Variants in XPR1 observed in about 807,000 individuals in gnomAD.
XPR1 encodes xenotropic and polytropic retrovirus receptor 1.
A neutral mutation model predicts 87.5 loss-of-function variants in XPR1; 28 were observed. The ratio of observed to expected loss-of-function variants is 0.32; its 90% CI spans 0.24 to 0.44. The LOEUF is 0.44. Ranked by LOEUF, XPR1 falls within the 20% of genes least tolerant of loss-of-function variation. The probability of loss-of-function intolerance (pLI) is 1.00; values close to 1 mark genes in which losing one functional copy is unlikely to be tolerated. For synonymous variants in XPR1, 300 were observed against 306.1 expected, an observed-to-expected ratio of 0.98 and a Z score of 0.21; for missense variants, 559 against 862.3, an observed-to-expected ratio of 0.65 and a Z score of 4.41.
chr1:180,716,566 G>A (rs2101991468), intron 2 of XPR1, among the ~76,000 whole-genome samples: 1 of 152,236 alleles, frequency 6.6e-6, no homozygotes, highest in East Asian at 1.9e-4. Context: ...GTTTTTAAAA[G>A]TATAAGCTTT....
Position 180,744,650 on chromosome 1 carries a change from C to CTTTTTTTTTTTTTTTTTTTTTTTTTT in XPR1, c.122-43100_122-43099insTTTTTTTTTTTTTTTTTTTTTTTTTT, listed in dbSNP as rs200044209. Among the ~76,000 whole-genome samples, 41 of 56,954 alleles carry CTTTTTTTTTTTTTTTTTTTTTTTTTT rather than the reference C, an allele frequency of 7.2e-4. 9 individuals carry two copies. The highest frequency in any genetic ancestry group is 2.1e-3 in the African/African-American group (36 of 17,136). 37.4% of individuals were successfully genotyped at this position (56,954 alleles called of 152,430 possible). On this transcript the variant is annotated intron_variant, in intron 2 of 14. Coordinates refer to ENST00000367590, the MANE Select transcript of XPR1 (RefSeq NM_004736.4). Reference sequence around the variant, plus strand: ...ACTTGTTCAGGTTTAGGCACAATTTCTTTCTTTTTTTTTTTTTTGAGACAG... The same window carrying CTTTTTTTTTTTTTTTTTTTTTTTTTT: ...ACTTGTTCAGGTTTAGGCACAATTTCTTTTTTTTTTTTTTTTTTTTTTTTTTTTTCTTTTTTTTTTTTTTGAGACAG...
intron 1 of XPR1, among the ~76,000 whole-genome samples, chr1:180,648,115 A>G (rs1354786939): frequency 6.6e-6 from 1 of 152,184 alleles, no homozygotes; most frequent in Non-Finnish European, 1.5e-5. Flanking sequence ...ACATGTGGGT[A>G]GTTGCTATTG....
intron 13 of XPR1, 116 bp from the exon 14 acceptor site, chr1:180,879,960 C>T (rs1252391276): frequency 2.8e-6 from 3 of 1,077,758 alleles, no homozygotes; most frequent in Admixed American, 4.3e-5. Context: ...AATATTCAAG[C>T]CCTTAATTCT....
chr1:180,699,092 G>A (rs967711428), intron 2 of XPR1, among the ~76,000 whole-genome samples: 21 of 151,936 alleles, frequency 1.4e-4, no homozygotes, highest in Non-Finnish European at 3.1e-4. Flanking sequence ...TTGTTAAATA[G>A]GCTTTTTATA....
chr1:180,782,625 T>G (rs1648985264), intron 2 of XPR1, among the ~76,000 whole-genome samples: 1 of 151,802 alleles, frequency 6.6e-6, no homozygotes. Context: ...TTTTGTGGGA[T>G]TAAGGCTCCA....
At chr1:180,787,887 C>T (rs374441710) in intron 3 of XPR1, 33 bp downstream of exon 3, 19 of 1,447,928 alleles carry the variant, frequency 1.3e-5, no homozygotes, top group East Asian at 9.1e-5. Context: ...TTTTTGCTGC[C>T]GGGGAAGGAT....
chr1:180,659,189 TCAGTCTTC>T (rs1655651798), intron 1 of XPR1, among the ~76,000 whole-genome samples: 2 of 116,598 alleles, frequency 1.7e-5, no homozygotes, highest in South Asian at 6.6e-4. Context: ...TGGCCTGTAG[TCAGTCTTC>T]CTTCCTTCCT....
At chr1:180,632,325 C>T (rs1654611786) in intron 1 of XPR1, 55 bp downstream of exon 1, 3 of 1,571,728 alleles carry the variant, frequency 1.9e-6, no homozygotes, top group Admixed American at 1.8e-5. Context: ...TCTCGCCAGT[C>T]CTGACGTCCA....
intron 7 of XPR1, among the ~76,000 whole-genome samples, chr1:180,824,070 G>T (rs1650735297): frequency 6.6e-6 from 1 of 152,182 alleles, no homozygotes; most frequent in Non-Finnish European, 1.5e-5. Flanking sequence ...TGGAGTAAAT[G>T]AAGCCAAAGA....
At chr1:180,813,193 TC>T (rs35110124) in intron 7 of XPR1, among the ~76,000 whole-genome samples, 34,892 of 151,868 alleles carry the variant, frequency 0.23, 4,226 homozygotes, top group Middle Eastern at 0.32. Flanking sequence ...ATTGTCATCT[TC>T]CCCCCACACT....
intron 1 of XPR1, among the ~76,000 whole-genome samples, chr1:180,654,979 A>G (rs1294802139): frequency 6.6e-6 from 1 of 152,164 alleles, no homozygotes; most frequent in Non-Finnish European, 1.5e-5. Flanking sequence ...ATCAAAATCT[A>G]TAGTTTTAAT....
At chr1:180,695,933 C>G (rs945599786) in intron 2 of XPR1, among the ~76,000 whole-genome samples, 1 of 151,686 alleles carries the variant, frequency 6.6e-6, no homozygotes, top group Non-Finnish European at 1.5e-5. Context: ...TGGTTCCATG[C>G]AAATTTTGGG....
intron 12 of XPR1, among the ~76,000 whole-genome samples, chr1:180,866,211 T>TA (rs59697131): frequency 8.4e-4 from 120 of 142,022 alleles, no homozygotes; most frequent in Middle Eastern, 7.0e-3. Flanking sequence ...GACCCTGTCT[T>TA]AAAAAAAAAA....
intron 2 of XPR1, among the ~76,000 whole-genome samples, chr1:180,688,270 C>A (rs1329899010): frequency 6.6e-6 from 1 of 150,630 alleles, no homozygotes; most frequent in South Asian, 2.1e-4. Context: ...CCTGCCTGGC[C>A]AACATGGCCA....
intron 2 of XPR1, among the ~76,000 whole-genome samples, chr1:180,738,056 G>A (rs1437117102): frequency 6.6e-6 from 1 of 152,088 alleles, no homozygotes; most frequent in Non-Finnish European, 1.5e-5. Flanking sequence ...CTGTCACCCA[G>A]GCTGGAGCGC....
intron 2 of XPR1, among the ~76,000 whole-genome samples, chr1:180,726,558 C>T (rs1658356724): frequency 6.6e-6 from 1 of 152,170 alleles, no homozygotes; most frequent in South Asian, 2.1e-4. Flanking sequence ...ATCCATTCAC[C>T]CCTCTTGGGG....
intron 2 of XPR1, among the ~76,000 whole-genome samples, chr1:180,719,344 A>G (rs1480588950): frequency 1.3e-5 from 2 of 152,264 alleles, no homozygotes; most frequent in Non-Finnish European, 2.9e-5. Flanking sequence ...AGTTGGAAGT[A>G]TATTTAGAAT....
intron 3 of XPR1, among the ~76,000 whole-genome samples, chr1:180,797,174 TCAAA>T (rs1362671353): frequency 1.3e-5 from 2 of 152,158 alleles, no homozygotes; most frequent in Non-Finnish European, 2.9e-5. Context: ...AAGTTATACC[TCAAA>T]CAAATTATTT....
chr1:180,845,979 G>T (rs1275189314), intron 11 of XPR1, among the ~76,000 whole-genome samples: 1 of 152,188 alleles, frequency 6.6e-6, no homozygotes, highest in Non-Finnish European at 1.5e-5. Context: ...TATCAAGGGG[G>T]CTGGGCACGG....
Sources: gnomAD v4.1 joint callset for allele counts (sites outside exome capture counted in the v4.1 genomes callset) on GRCh38, gnomAD v4.1.1 for gene constraint, MANE v1.5 for transcripts, NCBI Gene and HGNC (gene_info 2026-07-23, HGNC 2026-07-21) for gene names.